OSBPL1A: variants seen among roughly 807,000 people sequenced by gnomAD.
OSBPL1A encodes the protein oxysterol binding protein like 1A.
In OSBPL1A, 80 loss-of-function variants were observed where a neutral mutation model predicts 137.1. The ratio of observed to expected loss-of-function variants is 0.58; its 90% CI spans 0.49 to 0.70. The LOEUF (loss-of-function observed/expected upper bound fraction) is 0.70. OSBPL1A is among the 30% of genes least tolerant of loss of function. The probability of loss-of-function intolerance (pLI) is 0.00; values close to 1 mark genes in which losing one functional copy is unlikely to be tolerated. For missense variants in OSBPL1A, 970 were observed against 1,129.4 expected (o/e 0.86, Z 2.02); for synonymous variants, 365 against 389.7 (o/e 0.94, Z 0.75).
intron 13 of OSBPL1A, among the ~76,000 whole-genome samples, chr18:24,310,840 A>G (rs2146111933): frequency 6.6e-6 from 1 of 152,330 alleles, no homozygotes; most frequent in African/African-American, 2.4e-5. Context: ...CTGAAAGTTA[A>G]AATATTTAGC....
intron 1 of OSBPL1A, among the ~76,000 whole-genome samples, chr18:24,390,883 TAA>T (rs1907304836): frequency 1.3e-5 from 2 of 151,762 alleles, no homozygotes; most frequent in Non-Finnish European, 2.9e-5. Flanking sequence ...GCGGATCACC[TAA>T]GGTCAGGAGC....
intron 14 of OSBPL1A, among the ~76,000 whole-genome samples, chr18:24,292,707 G>C (rs544707792): frequency 1.3e-5 from 2 of 152,276 alleles, no homozygotes; most frequent in East Asian, 1.9e-4. Context: ...TAACAAAAGA[G>C]AAACTGCAGT....
intron 1 of OSBPL1A, among the ~76,000 whole-genome samples, chr18:24,388,230 C>CCCTA (rs1907065638): frequency 6.6e-6 from 1 of 152,136 alleles, no homozygotes; most frequent in South Asian, 2.1e-4. Context: ...ATTTTGCTGT[C>CCCTA]CCTAGACTGT....
intron 13 of OSBPL1A, among the ~76,000 whole-genome samples, chr18:24,311,756 C>A (rs1274675831): frequency 6.6e-6 from 1 of 152,186 alleles, no homozygotes; most frequent in Non-Finnish European, 1.5e-5. Flanking sequence ...AAGTACAGTG[C>A]CTTTAAGGCA....
At position 24,193,337 on chromosome 18, in the gene OSBPL1A, A is replaced by C. The variant is rs529103087; in HGVS notation, c.1677+2788T>G. On this transcript the variant is annotated intron_variant, in intron 18 of 27. Coordinates refer to ENST00000319481, the MANE Select transcript of OSBPL1A (RefSeq NM_080597.4). ...CCCCATCTCTGCTAAAAGTACAAAA[A>C]ATTAGCTGGGCATGGTGGCATGCAC... Among the ~76,000 whole-genome samples the C allele has an allele frequency of 2.0e-5, 3 of 152,114 alleles. No homozygotes were observed. In the East Asian group the frequency reaches 5.8e-4, roughly 29 times the overall value.
chr18:24,236,162 T>C (rs2088466236), intron 16 of OSBPL1A, among the ~76,000 whole-genome samples: 1 of 152,164 alleles, frequency 6.6e-6, no homozygotes, highest in Non-Finnish European at 1.5e-5. Flanking sequence ...GCCACTAAGT[T>C]TGTGGTGATC....
chr18:24,250,936 T>C (rs890550659), intron 15 of OSBPL1A, among the ~76,000 whole-genome samples: 1 of 152,158 alleles, frequency 6.6e-6, no homozygotes, highest in Non-Finnish European at 1.5e-5. Flanking sequence ...AAAGAGCCCT[T>C]GGGCTTTAAG....
intron 17 of OSBPL1A, among the ~76,000 whole-genome samples, chr18:24,212,687 A>G (rs915250505): frequency 6.6e-6 from 1 of 152,170 alleles, no homozygotes; most frequent in Admixed American, 6.5e-5. Flanking sequence ...AGGTGATAAG[A>G]TGTATTCCAC....
chr18:24,338,424 T>A (rs1354925454), intron 5 of OSBPL1A, among the ~76,000 whole-genome samples: 1 of 152,088 alleles, frequency 6.6e-6, no homozygotes, highest in Non-Finnish European at 1.5e-5. Context: ...GAAGGCTGCG[T>A]TAGTAATAGT....
intron 7 of OSBPL1A, among the ~76,000 whole-genome samples, chr18:24,319,685 A>T (rs1433436048): frequency 6.6e-6 from 1 of 152,060 alleles, no homozygotes; most frequent in Non-Finnish European, 1.5e-5. Context: ...AAGGTAAAAA[A>T]ACAAACAAAC....
At chr18:24,368,766 T>C (rs910776364) in intron 2 of OSBPL1A, among the ~76,000 whole-genome samples, 6 of 152,148 alleles carry the variant, frequency 3.9e-5, no homozygotes, top group African/African-American at 1.4e-4. Flanking sequence ...CAGGAGGGTA[T>C]GGAGGAGCTG....
chr18:24,373,301 C>T, intron 2 of OSBPL1A, among the ~76,000 whole-genome samples: 1 of 152,150 alleles, frequency 6.6e-6, no homozygotes, highest in South Asian at 2.1e-4. Flanking sequence ...CACATTTGGA[C>T]CTCCTAGTAA....
chr18:24,215,258 A>T (rs1222268921), intron 17 of OSBPL1A, among the ~76,000 whole-genome samples: 4 of 152,210 alleles, frequency 2.6e-5, no homozygotes, highest in Non-Finnish European at 5.9e-5. Flanking sequence ...ACACAATCAG[A>T]TCTGAAATTT....
intron 1 of OSBPL1A, among the ~76,000 whole-genome samples, chr18:24,381,085 G>C (rs139394003): frequency 6.6e-6 from 1 of 152,192 alleles, no homozygotes; most frequent in African/African-American, 2.4e-5. Flanking sequence ...TGAAAGGAAA[G>C]ACTTTATTCA....
chr18:24,364,627 T>A (rs1051241726), intron 4 of OSBPL1A, among the ~76,000 whole-genome samples: 5 of 151,958 alleles, frequency 3.3e-5, no homozygotes, highest in Admixed American at 6.6e-5. Context: ...TTTTTTTTTT[T>A]AACTCAGCAG....
chr18:24,365,591 A>G (rs1599719790), intron 4 of OSBPL1A, among the ~76,000 whole-genome samples: 1 of 152,100 alleles, frequency 6.6e-6, no homozygotes, highest in East Asian at 1.9e-4. Context: ...CTCAAAAAAA[A>G]AAAAAAAGTT....
At chr18:24,221,949 CAA>C (rs1359235887) in intron 17 of OSBPL1A, among the ~76,000 whole-genome samples, 1 of 152,144 alleles carries the variant, frequency 6.6e-6, no homozygotes, top group Non-Finnish European at 1.5e-5. Context: ...GCAGCCTAGC[CAA>C]ACTTTCTTAC....
chr18:24,368,891 G>A (rs368633521), intron 2 of OSBPL1A, among the ~76,000 whole-genome samples: 42 of 152,252 alleles, frequency 2.8e-4, no homozygotes, highest in African/African-American at 9.9e-4. Flanking sequence ...ATCTCATGTT[G>A]AATTGGAGCA....
At chr18:24,166,504 A>C (rs2145903373) in intron 26 of OSBPL1A, 75 bp downstream of exon 26, 2 of 1,521,446 alleles carry the variant, frequency 1.3e-6, no homozygotes, top group Non-Finnish European at 1.8e-6. Flanking sequence ...TGATGCTAAC[A>C]ATCACCAGGA....
Sources: gnomAD v4.1 joint callset for allele counts (sites outside exome capture counted in the v4.1 genomes callset) on GRCh38, gnomAD v4.1.1 for gene constraint, MANE v1.5 for transcripts, NCBI Gene and HGNC (gene_info 2026-07-23, HGNC 2026-07-21) for gene names.